The following RBFOX3 variants were observed in gnomAD, a reference collection of about 807,000 sequenced individuals.
RBFOX3 encodes RNA binding protein fox-1 homolog 3.
RBFOX3 carries 17 observed loss-of-function variants against 48.7 expected under a neutral mutation model. That is an observed-to-expected ratio of 0.35 (90% confidence interval 0.24 to 0.52). RBFOX3 has a LOEUF of 0.52. Among genes scored for constraint, RBFOX3 ranks in the 20% least tolerant of loss-of-function variants. The pLI is 0.94. For missense variants in RBFOX3, 382 were observed against 497.5 expected (o/e 0.77, Z 2.21); for synonymous variants, 212 against 209.5 (o/e 1.01, Z -0.10).
At chr17:79,187,734 A>T (rs2053696637) in intron 4 of RBFOX3, among the ~76,000 whole-genome samples, 1 of 152,142 alleles carries the variant, frequency 6.6e-6, no homozygotes, top group Admixed American at 6.5e-5. Context: ...GTCCCAATTC[A>T]GCAGCCAGGG....
In RBFOX3 at chr17:79,345,083, TTC is replaced by T. The variant is rs368161209; in HGVS notation, c.-174-37261_-174-37260del. 1.8e-4 allele frequency among the ~76,000 whole-genome samples: 28 copies of T among 152,352 alleles called. No homozygotes were observed. In the East Asian group the frequency reaches 3.9e-3, roughly 21 times the overall value. ...TGTTCTCTGCCTGTAGGGCTGATTA[TTC>T]TCTGTTGTTTTTGCTGAACTCTAAA... On this transcript the variant is annotated intron_variant, in intron 2 of 14. Coordinates refer to ENST00000693108, the MANE Select transcript of RBFOX3 (RefSeq NM_001350451.2).
intron 2 of RBFOX3, among the ~76,000 whole-genome samples, chr17:79,338,320 C>T (rs931477492): frequency 6.6e-6 from 1 of 152,104 alleles, no homozygotes; most frequent in African/African-American, 2.4e-5. Context: ...ATGGTGGGAA[C>T]ACAGACTGGG....
chr17:79,489,377 C>A (rs2149572853), intron 1 of RBFOX3, among the ~76,000 whole-genome samples: 1 of 152,266 alleles, frequency 6.6e-6, no homozygotes, highest in Admixed American at 6.5e-5. Context: ...TCACTGCAGC[C>A]TCCACCGCCC....
At chr17:79,345,920 G>T (rs1285972008) in intron 2 of RBFOX3, among the ~76,000 whole-genome samples, 2 of 151,770 alleles carry the variant, frequency 1.3e-5, no homozygotes, top group Admixed American at 6.6e-5. Flanking sequence ...TTTGTTTTTT[G>T]TTTGTTTGTT....
intron 2 of RBFOX3, among the ~76,000 whole-genome samples, chr17:79,465,094 C>T (rs797030283): frequency 6.6e-5 from 10 of 152,316 alleles, no homozygotes; most frequent in African/African-American, 2.4e-4. Flanking sequence ...GAGTTAAACC[C>T]TCTGACTTCT....
chr17:79,579,110 C>T (rs2092959299), intron 1 of RBFOX3, among the ~76,000 whole-genome samples: 1 of 152,208 alleles, frequency 6.6e-6, no homozygotes, highest in Admixed American at 6.5e-5. Flanking sequence ...TTCTTCCTGC[C>T]CAGCTCTGCT....
At chr17:79,455,211 ACT>A (rs2149196477) in intron 2 of RBFOX3, among the ~76,000 whole-genome samples, 1 of 152,222 alleles carries the variant, frequency 6.6e-6, no homozygotes, top group Non-Finnish European at 1.5e-5. Context: ...TGGATGTGCT[ACT>A]CCCAGGTCAG....
At chr17:79,329,402 A>G (rs1241186401) in intron 2 of RBFOX3, among the ~76,000 whole-genome samples, 1 of 151,962 alleles carries the variant, frequency 6.6e-6, no homozygotes, top group East Asian at 1.9e-4. Context: ...GATCCTGTGC[A>G]CCCTGGGGAG....
At chr17:79,517,271 C>T (rs1040646596) in intron 1 of RBFOX3, among the ~76,000 whole-genome samples, 7 of 151,860 alleles carry the variant, frequency 4.6e-5, no homozygotes, top group African/African-American at 1.7e-4. Flanking sequence ...CATGGTAAAA[C>T]CCTGCCTCTA....
chr17:79,464,820 T>C (rs2076095071), intron 2 of RBFOX3, among the ~76,000 whole-genome samples: 1 of 152,166 alleles, frequency 6.6e-6, no homozygotes, highest in African/African-American at 2.4e-5. Flanking sequence ...CCCCAGCCGC[T>C]CAGATGCCAG....
At chr17:79,108,946 G>A (rs574622726) in intron 5 of RBFOX3, among the ~76,000 whole-genome samples, 5 of 152,380 alleles carry the variant, frequency 3.3e-5, no homozygotes, top group African/African-American at 1.2e-4. Flanking sequence ...ATGCAGCTCT[G>A]TCCCCTGCGT....
In RBFOX3 at chr17:79,421,519, G is replaced by A. The variant is rs554311400; in HGVS notation, c.-175+60935C>T. 1.3e-5 allele frequency among the ~76,000 whole-genome samples: 2 copies of A among 152,256 alleles called. No individual in the cohort carries two copies. The highest frequency in any genetic ancestry group is 4.1e-4 in the South Asian group (2 of 4,820). ...GAAGAAAGCATGTGGGGAGGGACAG[G>A]GCCCAGGGCCTCACCTGGACAGGAG... On this transcript the variant is annotated intron_variant, in intron 2 of 14. Transcript: ENST00000693108. This position sits in a 1 kb window ranked among gnomAD's most constrained non-coding sequence, Gnocchi z 4.5.
At chr17:79,501,043 G>T (rs1297519528) in intron 1 of RBFOX3, among the ~76,000 whole-genome samples, 2 of 152,222 alleles carry the variant, frequency 1.3e-5, no homozygotes, top group Non-Finnish European at 2.9e-5. Context: ...GCTCTTTCCT[G>T]CAAGACCATT....
chr17:79,379,698 C>T (rs1372406442), intron 2 of RBFOX3, among the ~76,000 whole-genome samples: 2 of 152,160 alleles, frequency 1.3e-5, no homozygotes, highest in African/African-American at 2.4e-5. Context: ...CAGCTCAGCC[C>T]CCGCAAATCC....
At chr17:79,216,736 C>T (rs150427771) in intron 4 of RBFOX3, among the ~76,000 whole-genome samples, 46 of 152,282 alleles carry the variant, frequency 3.0e-4, no homozygotes, top group African/African-American at 1.1e-3. Context: ...GCACAGAACA[C>T]GCAAACAGTA....
chr17:79,145,888 G>A (rs2042937593), intron 4 of RBFOX3, among the ~76,000 whole-genome samples: 1 of 152,184 alleles, frequency 6.6e-6, no homozygotes. Context: ...CTGGTTTCAT[G>A]GAAGACAATT....
the RBFOX3 span, among the ~76,000 whole-genome samples, chr17:79,643,322 C>A: frequency 6.6e-6 from 1 of 151,928 alleles, no homozygotes; most frequent in Non-Finnish European, 1.5e-5. Flanking sequence ...AAGGAAAAAG[C>A]CAAAAGAATT....
At chr17:79,261,960 A>T (rs908933547) in intron 3 of RBFOX3, among the ~76,000 whole-genome samples, 1 of 152,208 alleles carries the variant, frequency 6.6e-6, no homozygotes, top group Non-Finnish European at 1.5e-5. Context: ...GAACACCTGC[A>T]ATATTAATGC....
At position 79,345,197 on chromosome 17, in the gene RBFOX3, G is replaced by T. The variant is rs1302548328; in HGVS notation, c.-174-37373C>A. 3.3e-5 allele frequency among the ~76,000 whole-genome samples: 5 copies of T among 152,132 alleles called. No individual in the cohort carries two copies. In the East Asian group the frequency reaches 7.7e-4, roughly 23 times the overall value. ...TTCTCTTCTCCACCTGTTTGTTTTG[G>T]TTTGTTTTGTTTGAAGAATTGATCC... On this transcript the variant is annotated intron_variant, in intron 2 of 14. Transcript: ENST00000693108.
Sources: gnomAD v4.1 joint callset for allele counts (sites outside exome capture counted in the v4.1 genomes callset) on GRCh38, gnomAD v4.1.1 for gene constraint, Gnocchi (gnomAD v3.1) non-coding constraint, MANE v1.5 for transcripts, NCBI Gene and HGNC (gene_info 2026-07-23, HGNC 2026-07-21) for gene names.